The following RPH3A variants were observed in gnomAD, a reference collection of about 807,000 sequenced individuals.
RPH3A encodes the protein rabphilin 3A.
Under a neutral mutation model 102.2 loss-of-function variants are expected in RPH3A, and 48 were observed. That is an observed-to-expected ratio of 0.47 (90% CI 0.37 to 0.60). The LOEUF (loss-of-function observed/expected upper bound fraction) is 0.60. RPH3A is among the 20% of genes least tolerant of loss of function. The probability of loss-of-function intolerance (pLI) is 0.00; values close to 1 mark genes in which losing one functional copy is unlikely to be tolerated. For missense variants in RPH3A, 781 were observed against 910.1 expected (o/e 0.86, Z 1.83); for synonymous variants, 310 against 324.3 (o/e 0.96, Z 0.47).
intron 1 of RPH3A, among the ~76,000 whole-genome samples, chr12:112,664,793 C>T (rs539130246): frequency 2.3e-4 from 35 of 152,238 alleles, no homozygotes; most frequent in African/African-American, 8.2e-4. Context: ...GACAGCACCA[C>T]GACCCCGTGT....
At chr12:112,636,934 AT>A (rs1313527181) in intron 1 of RPH3A, among the ~76,000 whole-genome samples, 1 of 152,124 alleles carries the variant, frequency 6.6e-6, no homozygotes. Flanking sequence ...AGGGGCCCCC[AT>A]CTGCAGGGCA....
intron 1 of RPH3A, among the ~76,000 whole-genome samples, chr12:112,654,424 C>T (rs576640974): frequency 6.6e-6 from 1 of 151,836 alleles, no homozygotes; most frequent in African/African-American, 2.4e-5. Context: ...ACTATGCATT[C>T]CTGCTCCAGT....
chr12:112,584,252 A>G lies in RPH3A; in HGVS notation c.-140+8933A>G, dbSNP rs190924338. 2.8e-5 allele frequency among the ~76,000 whole-genome samples: 3 copies of G among 105,682 alleles called. No homozygotes were observed. In the South Asian group the frequency reaches 1.4e-3, roughly 48 times the overall value. The allele number at this position is 105,682 out of a possible 152,430, so 69.3% of individuals were successfully genotyped here. On this transcript the variant is annotated intron_variant, in intron 1 of 21. Coordinates refer to the RPH3A transcript ENST00000543106. Reference sequence around the variant, plus strand: ...ATGGATTTAATGAAGGTTAAACACAAAAGAATAGAGTTAAGAATATCTGGA... The same window carrying G: ...ATGGATTTAATGAAGGTTAAACACAGAAGAATAGAGTTAAGAATATCTGGA...
intron 1 of RPH3A, among the ~76,000 whole-genome samples, chr12:112,587,570 C>T (rs966236085): frequency 1.3e-5 from 2 of 152,142 alleles, no homozygotes; most frequent in African/African-American, 4.8e-5. Context: ...AAATGTTTGT[C>T]TTGTGTGGTT....
chr12:112,673,585 G>T (rs755152320), intron 1 of RPH3A, among the ~76,000 whole-genome samples: 36 of 151,906 alleles, frequency 2.4e-4, no homozygotes, highest in Non-Finnish European at 4.0e-4. Context: ...ATATTTATGG[G>T]GTACATGAGA....
chr12:112,605,994 A>C (rs949552326), intron 1 of RPH3A, among the ~76,000 whole-genome samples: 2 of 152,190 alleles, frequency 1.3e-5, no homozygotes, highest in African/African-American at 4.8e-5. Flanking sequence ...GATTCTCACA[A>C]AAATTCTGTT....
chr12:112,780,789 C>A (rs972256465), intron 1 of RPH3A, among the ~76,000 whole-genome samples: 6 of 152,180 alleles, frequency 3.9e-5, no homozygotes, highest in African/African-American at 1.4e-4. Flanking sequence ...GAATGGCCAA[C>A]AAGGAGACGC....
At chr12:112,647,458 G>A (rs898552512) in intron 1 of RPH3A, among the ~76,000 whole-genome samples, 1 of 152,196 alleles carries the variant, frequency 6.6e-6, no homozygotes. Context: ...TATTCTTGAT[G>A]CTGGAGACAG....
In RPH3A at chr12:112,887,787, T is replaced by G. The variant is rs2043028525; in HGVS notation, c.1437-10T>G. ...CTGTTTCTCTCTCTACCCCCTTGTG[T>G]TGGTGGCAGGATCTCCGTCTGTGAT... On this transcript the variant is annotated splice_polypyrimidine_tract_variant and intron_variant, in intron 16 of 21. Coordinates refer to ENST00000389385, the MANE Select transcript of RPH3A (RefSeq NM_001143854.2). 1.9e-6 allele frequency: 3 copies of G among 1,613,030 alleles called. No homozygotes were observed. The highest frequency in any genetic ancestry group is 4.5e-5 in the East Asian group (2 of 44,858).
At chr12:112,793,255 G>C (rs1873226951) in intron 2 of RPH3A, among the ~76,000 whole-genome samples, 1 of 152,172 alleles carries the variant, frequency 6.6e-6, no homozygotes, top group Admixed American at 6.5e-5. Context: ...CATCAAAAGG[G>C]GATTTCACTT....
At chr12:112,713,181 C>T (rs2040492203) in intron 1 of RPH3A, among the ~76,000 whole-genome samples, 1 of 151,068 alleles carries the variant, frequency 6.6e-6, no homozygotes. Flanking sequence ...ATCCTCATGC[C>T]TTGGCCTCTC....
At chr12:112,643,684 T>G (rs2039906824) in intron 1 of RPH3A, among the ~76,000 whole-genome samples, 1 of 152,222 alleles carries the variant, frequency 6.6e-6, no homozygotes, top group South Asian at 2.1e-4. Context: ...TGGGTACAAA[T>G]GGTTTATTTG....
chr12:112,590,976 TTTTTAGC>T (rs1205007152), intron 1 of RPH3A, among the ~76,000 whole-genome samples: 1 of 152,082 alleles, frequency 6.6e-6, no homozygotes, highest in East Asian at 1.9e-4. Flanking sequence ...AAAAAAGTGT[TTTTTAGC>T]TTTTGGGTTT....
chr12:112,735,950 C>G (rs957928968), intron 1 of RPH3A, among the ~76,000 whole-genome samples: 2 of 152,206 alleles, frequency 1.3e-5, no homozygotes, highest in African/African-American at 4.8e-5. Flanking sequence ...CCTGGGAGGA[C>G]ATCCTGAGAC....
intron 1 of RPH3A, among the ~76,000 whole-genome samples, chr12:112,764,522 G>A (rs548826950): frequency 6.6e-6 from 1 of 152,146 alleles, no homozygotes; most frequent in African/African-American, 2.4e-5. Flanking sequence ...ATTCTTTACA[G>A]ATTTCCCCAA....
chr12:112,655,706 G>A (rs1464942493), intron 1 of RPH3A, among the ~76,000 whole-genome samples: 2 of 151,654 alleles, frequency 1.3e-5, no homozygotes, highest in Non-Finnish European at 2.9e-5. Context: ...GATTAGCTGG[G>A]ATTACAGGTG....
At chr12:112,578,947 C>T (rs1291721700) in intron 1 of RPH3A, among the ~76,000 whole-genome samples, 1 of 152,130 alleles carries the variant, frequency 6.6e-6, no homozygotes, top group African/African-American at 2.4e-5. Flanking sequence ...TACATGAAAT[C>T]TTCCAATTAA....
At chr12:112,697,997 C>G (rs2040364483) in intron 1 of RPH3A, among the ~76,000 whole-genome samples, 1 of 151,958 alleles carries the variant, frequency 6.6e-6, no homozygotes, top group Admixed American at 6.5e-5. Flanking sequence ...AGGATTCATA[C>G]CACTTGATTT....
chr12:112,759,975 G>GGACCAGCCGGCCC (rs1364716263), intron 1 of RPH3A, among the ~76,000 whole-genome samples: 2 of 152,170 alleles, frequency 1.3e-5, no homozygotes, highest in East Asian at 1.9e-4. Context: ...CACGTCGGCT[G>GGACCAGCCGGCCC]GACCAGCCGG....
Sources: gnomAD v4.1 joint callset for allele counts (sites outside exome capture counted in the v4.1 genomes callset) on GRCh38, gnomAD v4.1.1 for gene constraint, MANE v1.5 for transcripts, NCBI Gene and HGNC (gene_info 2026-07-23, HGNC 2026-07-21) for gene names.